Variants in PTPN13 observed in about 807,000 individuals in gnomAD.
PTPN13 encodes the protein tyrosine-protein phosphatase non-receptor type 13.
In PTPN13, 191 loss-of-function variants were observed where a neutral mutation model predicts 284.0. That is an observed-to-expected ratio of 0.67 (90% confidence interval 0.60 to 0.76). The LOEUF is 0.76. Ranked by LOEUF, PTPN13 falls within the 30% of genes least tolerant of loss-of-function variation. PTPN13 has a pLI of 0.00. For missense variants in PTPN13, 2,797 were observed against 2,939.9 expected, an observed-to-expected ratio of 0.95 and a Z score of 1.12; for synonymous variants, 986 against 1,022.3, an observed-to-expected ratio of 0.96 and a Z score of 0.68.
chr4:86,800,732 A>AAGGG (rs1484989515), intron 42 of PTPN13, among the ~76,000 whole-genome samples: 1 of 151,552 alleles, frequency 6.6e-6, no homozygotes, highest in Non-Finnish European at 1.5e-5. Context: ...GGAAGGAAGG[A>AAGGG]AGGGAGGGAG....
At chr4:86,759,370 C>G (rs1738401528) in intron 23 of PTPN13, among the ~76,000 whole-genome samples, 1 of 152,216 alleles carries the variant, frequency 6.6e-6, no homozygotes. Context: ...ATCATTTTGT[C>G]TCATTATCCC....
chr4:86,666,202 A>G (rs534658270), intron 2 of PTPN13, among the ~76,000 whole-genome samples: 3 of 152,292 alleles, frequency 2.0e-5, no homozygotes, highest in South Asian at 4.1e-4. Flanking sequence ...ACTACATACT[A>G]AATTACTGAA....
chr4:86,722,440 T>C lies in PTPN13; in HGVS notation c.1608+6T>C. On this transcript the variant is annotated splice_donor_region_variant and intron_variant, in intron 10 of 47. Coordinates refer to ENST00000411767, the MANE Select transcript of PTPN13 (RefSeq NM_080683.3). ...TGACTCAAAGAAAACTGAGGGTAAG[T>C]TGATTCTCAGGTTACTACACATCTA... 6.2e-7 allele frequency: 1 copy of C among 1,604,056 alleles called. No homozygotes were observed. The highest frequency in any genetic ancestry group is 8.5e-7 in the Non-Finnish European group (1 of 1,170,944).
Position 86,750,497 on chromosome 4 carries a change from T to G in PTPN13, c.2678T>G (p.Leu893Arg). The G allele has an allele frequency of 6.2e-7, 1 of 1,613,562 alleles. No homozygotes were observed. Among genetic ancestry groups the G allele is most frequent in the African/African-American group, 1.3e-5 (1 of 74,992 alleles). ...AGAGCTTCGTTTAGGAGCCTGAATC[T>G]CCAAGCAGAGTCTGTTAGAGGATTT... is the stretch of plus-strand genomic sequence containing the variant. ...IERASFRSLN[L>R]QAESVRGFNM... The change falls in exon 18 of 48, where the codon CTC becomes CGC. Residue 893 changes from leucine to arginine, a missense_variant. Physicochemically the swap from Leu to Arg is moderately radical, Grantham distance 102. Coordinates refer to ENST00000411767, the MANE Select transcript of PTPN13 (RefSeq NM_080683.3).
At chr4:86,684,158 A>G (rs1440196586) in intron 3 of PTPN13, among the ~76,000 whole-genome samples, 1 of 152,136 alleles carries the variant, frequency 6.6e-6, no homozygotes, top group Non-Finnish European at 1.5e-5. Context: ...ATCTAACTAT[A>G]CAACAAGGTA....
chr4:86,624,550 T>C (rs1721617873), intron 1 of PTPN13, among the ~76,000 whole-genome samples: 1 of 152,142 alleles, frequency 6.6e-6, no homozygotes, highest in South Asian at 2.1e-4. Flanking sequence ...ATGAGCATGG[T>C]AAGGAAGTAT....
intron 7 of PTPN13, among the ~76,000 whole-genome samples, chr4:86,706,000 CA>C (rs2149029203): frequency 6.6e-6 from 1 of 152,290 alleles, no homozygotes; most frequent in East Asian, 1.9e-4. Flanking sequence ...ACCCAGGCCC[CA>C]TTCTCTTGAA....
intron 3 of PTPN13, among the ~76,000 whole-genome samples, chr4:86,679,067 G>C (rs1360418965): frequency 6.6e-6 from 1 of 152,182 alleles, no homozygotes; most frequent in Admixed American, 6.5e-5. Flanking sequence ...TATTGGCCTT[G>C]TCTGAGCCGT....
At chr4:86,627,688 CT>C (rs1039677695) in intron 1 of PTPN13, among the ~76,000 whole-genome samples, 1 of 152,130 alleles carries the variant, frequency 6.6e-6, no homozygotes, top group African/African-American at 2.4e-5. Context: ...CCTCATGCCC[CT>C]TTTTAATCTT....
chr4:86,774,704 TA>T (rs201274842), intron 33 of PTPN13, among the ~76,000 whole-genome samples, 173 bp downstream of exon 33: 2,541 of 115,298 alleles, frequency 0.022, 79 homozygotes, highest in African/African-American at 0.086. Context: ...AATTATTTTA[TA>T]TATATATATA....
At chr4:86,696,667 T>A (rs1000961406) in intron 6 of PTPN13, among the ~76,000 whole-genome samples, 2 of 152,102 alleles carry the variant, frequency 1.3e-5, no homozygotes, top group African/African-American at 4.8e-5. Flanking sequence ...TTTACAAAAT[T>A]AACAGAGAAA....
In PTPN13 at chr4:86,701,375, G is replaced by C. The variant is rs1273316966; in HGVS notation, c.769G>C (p.Asp257His). ...TACACAAGATGAGAATTATTTCAAG[G>C]ACATTTTATCAGATAATTCTGGACG... is the stretch of plus-strand genomic sequence containing the variant. Reference protein sequence around the residue: ...KDTQDENYFKDILSDNSGRED... With the variant: ...KDTQDENYFKHILSDNSGRED... The change falls in exon 7 of 48, where the codon GAC (aspartate) becomes CAC (histidine). Residue 257 changes from aspartate to histidine, a missense_variant. Physicochemically the swap from Asp to His is moderately conservative, Grantham distance 81 (BLOSUM62 -1). Transcript: ENST00000411767. 6.2e-7 allele frequency: 1 copy of C among 1,612,952 alleles called. No homozygotes were observed. The highest frequency in any genetic ancestry group is 1.3e-5 in the African/African-American group (1 of 74,844).
Position 86,765,462 on chromosome 4 carries a change from C to G in PTPN13, c.4217C>G (p.Ala1406Gly). ...YVKAVIPQGA[A>G]ESDGRIHKGD... ...AAAGCTGTTATTCCCCAGGGAGCAG[C>G]AGAGTCTGATGGTAGAATTCACAAA... The change falls in exon 26 of 48, where the codon GCA becomes GGA. Residue 1406 changes from alanine to glycine, a missense_variant. Coordinates refer to ENST00000411767, the MANE Select transcript of PTPN13 (RefSeq NM_080683.3). 1 of 1,594,128 alleles carries G rather than the reference C, an allele frequency of 6.3e-7. No homozygotes were observed. The highest frequency in any genetic ancestry group is 8.6e-7 in the Non-Finnish European group (1 of 1,169,400).
At chr4:86,679,711 C>T (rs1728675975) in intron 3 of PTPN13, among the ~76,000 whole-genome samples, 2 of 152,188 alleles carry the variant, frequency 1.3e-5, no homozygotes, top group Admixed American at 1.3e-4. Flanking sequence ...ACATGTAAAG[C>T]AGCTCATATT....
rs979347941 is a variant in PTPN13 at position 86,774,387 on chromosome 4, C to T, written c.5364C>T (p.Leu1788=). 1 of 1,606,344 alleles carries T rather than the reference C, an allele frequency of 6.2e-7. No individual in the cohort carries two copies. ...LEDFELEVEL[L]ITLIKSEKGS... ...TTTTCCCTTAGGAAGTAGAACTCCT[C>T]ATTACCCTAATTAAATCAGAAAAAG... The change falls in exon 33 of 48, where the codon CTC becomes CTT. Residue 1788 remains leucine (L), a synonymous_variant. Transcript: ENST00000411767.
intron 1 of PTPN13, among the ~76,000 whole-genome samples, chr4:86,598,795 C>T (rs189668701): frequency 2.0e-5 from 3 of 152,138 alleles, no homozygotes; most frequent in Non-Finnish European, 2.9e-5. Context: ...GACAAGATCT[C>T]ACTCTGTCAC....
intron 40 of PTPN13, among the ~76,000 whole-genome samples, chr4:86,786,311 A>G (rs1035049244): frequency 2.0e-5 from 3 of 152,192 alleles, no homozygotes; most frequent in Admixed American, 6.5e-5. Context: ...CCCTATGTAT[A>G]CAAATCTGAC....
At chr4:86,722,754 G>A (rs991204520) in intron 10 of PTPN13, among the ~76,000 whole-genome samples, 1 of 152,062 alleles carries the variant, frequency 6.6e-6, no homozygotes, top group Non-Finnish European at 1.5e-5. Flanking sequence ...TTCATATTAA[G>A]AAATTTATTA....
chr4:86,791,756 C>T (rs572416053), intron 40 of PTPN13, among the ~76,000 whole-genome samples: 8 of 152,304 alleles, frequency 5.3e-5, no homozygotes, highest in Admixed American at 2.0e-4. Flanking sequence ...AACAGACCTG[C>T]AGCTGAGGGG....
Sources: gnomAD v4.1 joint callset for allele counts (sites outside exome capture counted in the v4.1 genomes callset) on GRCh38, gnomAD v4.1.1 for gene constraint, MANE v1.5 for transcripts, NCBI Gene and HGNC (gene_info 2026-07-23, HGNC 2026-07-21) for gene names.